Variants in CSMD3 observed in about 807,000 individuals in gnomAD.
CSMD3 encodes the protein CUB and sushi domain-containing protein 3.
A neutral mutation model predicts 435.2 loss-of-function variants in CSMD3; 177 were observed. That is an observed-to-expected ratio of 0.41 (90% CI 0.36 to 0.46). CSMD3 has a LOEUF of 0.46. Among genes scored for constraint, CSMD3 ranks in the 20% least tolerant of loss-of-function variants. The pLI is 0.34. For synonymous variants in CSMD3, 1,656 were observed against 1,520.5 expected (o/e 1.09, Z -2.07); for missense variants, 4,265 against 4,504.6 (o/e 0.95, Z 1.52).
intron 10 of CSMD3, among the ~76,000 whole-genome samples, chr8:112,874,994 T>C (rs1193220984): frequency 6.6e-6 from 1 of 152,190 alleles, no homozygotes; most frequent in African/African-American, 2.4e-5. Flanking sequence ...CATTAGTTGA[T>C]GCAGTTTCTT....
chr8:112,338,824 T>C (rs1381429095), intron 42 of CSMD3, among the ~76,000 whole-genome samples: 3 of 152,124 alleles, frequency 2.0e-5, no homozygotes. Flanking sequence ...TTAAGACAAA[T>C]GTGTATTAGG....
Position 113,397,821 on chromosome 8 carries a change from AAAATAAATAAATAAATAAAT to A in CSMD3, c.178+38836_178+38855del, listed in dbSNP as rs10615805. On this transcript the variant is annotated intron_variant, in intron 1 of 70. Coordinates refer to ENST00000297405, the MANE Select transcript of CSMD3 (RefSeq NM_198123.2). ...CGCGAAGGAGCGAGAGTCCGTCTCA[AAAATAAATAAATAAATAAAT>A]AAATAAATAAATAAATAAATAAATA... Among the ~76,000 whole-genome samples, 837 of 143,142 alleles carry A rather than the reference AAAATAAATAAATAAATAAAT, an allele frequency of 5.8e-3. 12 individuals are homozygous for A. In the Middle Eastern group the frequency reaches 0.072, roughly 12 times the overall value. 93.9% of individuals were successfully genotyped at this position (143,142 alleles called of 152,430 possible). A position where few individuals can be genotyped will look rare whatever the true frequency, so the allele number is the denominator to read the frequency against.
intron 5 of CSMD3, among the ~76,000 whole-genome samples, chr8:113,094,465 A>G (rs1189973986): frequency 7.9e-5 from 12 of 152,104 alleles, no homozygotes; most frequent in African/African-American, 2.7e-4. Context: ...ACTCTTTATC[A>G]TTAATTTTTC....
chr8:113,144,923 G>A (rs924274532), intron 4 of CSMD3, among the ~76,000 whole-genome samples: 5 of 151,584 alleles, frequency 3.3e-5, no homozygotes, highest in African/African-American at 1.2e-4. Flanking sequence ...AATAAAACTG[G>A]AGATTGGGAA....
intron 10 of CSMD3, among the ~76,000 whole-genome samples, chr8:112,919,782 A>T (rs187129203): frequency 6.6e-6 from 1 of 151,958 alleles, no homozygotes; most frequent in Non-Finnish European, 1.5e-5. Context: ...TACTGCCATG[A>T]CATTCATGAA....
chr8:112,959,008 T>TA (rs2084134695), intron 7 of CSMD3, among the ~76,000 whole-genome samples: 1 of 152,122 alleles, frequency 6.6e-6, no homozygotes, highest in African/African-American at 2.4e-5. Context: ...CTTAAAGTAA[T>TA]AAAACATTTC....
chr8:112,399,108 G>A (rs1831103022), intron 35 of CSMD3, among the ~76,000 whole-genome samples: 1 of 151,452 alleles, frequency 6.6e-6, no homozygotes, highest in Non-Finnish European at 1.5e-5. Flanking sequence ...GTAGAGACCA[G>A]GTTTCACCAC....
intron 1 of CSMD3, among the ~76,000 whole-genome samples, chr8:113,355,768 G>A (rs1165168349): frequency 5.1e-5 from 2 of 39,266 alleles, no homozygotes; most frequent in African/African-American, 1.0e-4. Context: ...ACACACACAC[G>A]GGGTGTGTGT....
At chr8:112,423,224 G>A (rs1812707583) in intron 32 of CSMD3, among the ~76,000 whole-genome samples, 1 of 151,938 alleles carries the variant, frequency 6.6e-6, no homozygotes, top group South Asian at 2.1e-4. Flanking sequence ...TGCTAACCTG[G>A]GAAGGTGAAC....
intron 27 of CSMD3, among the ~76,000 whole-genome samples, chr8:112,547,936 G>A (rs774826395): frequency 6.6e-6 from 1 of 152,118 alleles, no homozygotes; most frequent in Non-Finnish European, 1.5e-5. Context: ...ATGAACATAT[G>A]AATGAATGGG....
chr8:112,546,857 AAGT>A (rs1179446066), intron 27 of CSMD3, among the ~76,000 whole-genome samples: 1 of 152,192 alleles, frequency 6.6e-6, no homozygotes, highest in African/African-American at 2.4e-5. Flanking sequence ...CATGAAATAA[AAGT>A]CATGAGGCTG....
intron 1 of CSMD3, among the ~76,000 whole-genome samples, chr8:113,407,864 T>C (rs2094539702): frequency 6.6e-6 from 1 of 152,188 alleles, no homozygotes; most frequent in African/African-American, 2.4e-5. Context: ...GTCAGTAATT[T>C]CTAAATTGCT....
chr8:113,222,534 GT>G (rs2132136992), intron 3 of CSMD3, among the ~76,000 whole-genome samples: 1 of 151,018 alleles, frequency 6.6e-6, no homozygotes, highest in South Asian at 2.1e-4. Flanking sequence ...TACTGTATGA[GT>G]CCAAAGAATT....
At chr8:112,398,605 C>A (rs1831052811) in intron 35 of CSMD3, among the ~76,000 whole-genome samples, 1 of 152,142 alleles carries the variant, frequency 6.6e-6, no homozygotes, top group African/African-American at 2.4e-5. Context: ...GCATGGTGAG[C>A]CAGACCCACA....
intron 10 of CSMD3, among the ~76,000 whole-genome samples, chr8:112,865,360 C>G (rs907501299): frequency 8.5e-5 from 13 of 152,058 alleles, no homozygotes; most frequent in African/African-American, 1.4e-4. Flanking sequence ...ATTGTTGTCT[C>G]TCGGTCCACT....
At position 113,289,554 on chromosome 8, in the gene CSMD3, C is replaced by CAGAG. The variant is rs66595138; in HGVS notation, c.402-10854_402-10851dup. Reference sequence around the variant, plus strand: ...CAATTAGAAGACAGACAGAGAGAGACAGAGAGAGAGAGAGAGAGAGAGAGA... The same window carrying CAGAG: ...CAATTAGAAGACAGACAGAGAGAGACAGAGAGAGAGAGAGAGAGAGAGAGAGAGA... On this transcript the variant is annotated intron_variant, in intron 2 of 70. Transcript: ENST00000297405. Among the ~76,000 whole-genome samples, 1,120 of 143,272 alleles carry CAGAG rather than the reference C, an allele frequency of 7.8e-3. 4 individuals carry two copies. The highest frequency in any genetic ancestry group is 0.011 in the African/African-American group (412 of 38,636). The allele number at this position is 143,272 out of a possible 152,430, so 94.0% of individuals were successfully genotyped here. A position where few individuals can be genotyped will look rare whatever the true frequency, so the allele number is the denominator to read the frequency against.
intron 12 of CSMD3, 25 bp from the exon 13 acceptor site, chr8:112,800,299 G>C (rs1278704420): frequency 1.4e-6 from 2 of 1,391,442 alleles, no homozygotes; most frequent in Non-Finnish European, 2.0e-6. Context: ...ACAAAGAAGG[G>C]AGAGATGGGT....
At chr8:113,138,968 G>A (rs1017466776) in intron 4 of CSMD3, among the ~76,000 whole-genome samples, 2 of 150,600 alleles carry the variant, frequency 1.3e-5, no homozygotes, top group Admixed American at 1.3e-4. Flanking sequence ...ATTTACATTT[G>A]AAATATCATT....
chr8:112,924,702 T>C (rs1178476396), intron 9 of CSMD3, among the ~76,000 whole-genome samples: 1 of 151,952 alleles, frequency 6.6e-6, no homozygotes, highest in Non-Finnish European at 1.5e-5. Context: ...TCTATACTTA[T>C]TTTTCCCCTA....
Sources: allele counts gnomAD v4.1 joint callset (sites outside exome capture counted in the v4.1 genomes callset), GRCh38; gene constraint gnomAD v4.1.1; transcripts MANE v1.5; gene names NCBI Gene and HGNC (gene_info 2026-07-23, HGNC 2026-07-21).